The following PNPLA6 variants were observed in gnomAD, a reference collection of about 807,000 sequenced individuals.
PNPLA6 encodes the protein patatin-like phospholipase domain-containing protein 6.
PNPLA6 carries 105 observed loss-of-function variants against 153.7 expected under a neutral mutation model. The observed-to-expected ratio is 0.68, with a 90% CI of 0.58 to 0.80. The LOEUF (loss-of-function observed/expected upper bound fraction) is 0.80. PNPLA6 is among the 30% of genes least tolerant of loss of function. The pLI, the probability that PNPLA6 is intolerant of heterozygous loss-of-function variation, is 0.00. For missense variants in PNPLA6, 1,423 were observed against 1,919.3 expected (o/e 0.74, Z 4.83); for synonymous variants, 825 against 822.2 (o/e 1.00, Z -0.06).
At position 7,542,860 on chromosome 19, in the gene PNPLA6, C is replaced by T; in HGVS notation, c.1462C>T (p.Gln488Ter). 6.2e-7 allele frequency: 1 copy of T among 1,613,032 alleles called. No homozygotes were observed. Among genetic ancestry groups the T allele is most frequent in the Middle Eastern group, 1.6e-4 (1 of 6,062 alleles). ...ATGGCPFGPY[Q>*]GRQTSSIFEA... is the part of the protein sequence containing the mutation. ...TGGTGGCTGCCCTTTCGGGCCCTAC[C>T]AGGGCCGCCAGACCAGCAGCATCTT... Residue 488 changes from glutamine (Q) to a stop codon, truncating the protein, a stop_gained, in exon 12 of 32, where the codon CAG (glutamine) becomes TAG (stop). Transcript: ENST00000600737. LOFTEE classifies it high-confidence loss of function.
At position 7,542,052 on chromosome 19, in the gene PNPLA6, C is replaced by G; in HGVS notation, c.1237C>G (p.Pro413Ala). The change falls in exon 10 of 32, where the codon CCA becomes GCA. Residue 413 changes from proline (P) to alanine (A), a missense_variant. Physicochemically the swap from Pro to Ala is conservative, Grantham distance 27. Around this residue, in one of 10 missense-constraint regions of PNPLA6, gnomAD observed 267 missense variants for 255.1 expected, o/e 1.05. Coordinates refer to ENST00000600737, the MANE Select transcript of PNPLA6 (RefSeq NM_001166114.2). ...TCTGCTGAGCCGCTGCGTCTCCATG[C>G]CAGGGGACATCTCAGGTTTGGAGCA... Reference protein sequence around the residue: ...APLLSRCVSMPGDISGLQGGP... With the variant: ...APLLSRCVSMAGDISGLQGGP... The G allele has an allele frequency of 1.2e-6, 2 of 1,606,594 alleles. No homozygotes were observed. The highest frequency in any genetic ancestry group is 1.3e-5 in the African/African-American group (1 of 75,038).
At position 7,542,085 on chromosome 19, in the gene PNPLA6, T is replaced by C. The variant is rs765741121; in HGVS notation, c.1252+18T>C. The C allele has an allele frequency of 1.3e-6, 2 of 1,596,450 alleles. No homozygotes were observed. The highest frequency in any genetic ancestry group is 8.5e-7 in the Non-Finnish European group (1 of 1,173,812). Reference sequence around the variant, plus strand: ...CATCTCAGGTTTGGAGCACTGGGTCTGCGGGGAGGGCCATGGAGCTTCCAG... The same window carrying C: ...CATCTCAGGTTTGGAGCACTGGGTCCGCGGGGAGGGCCATGGAGCTTCCAG... On this transcript the variant is annotated intron_variant, in intron 10 of 31. Transcript: ENST00000600737.
rs552839552 is a variant in PNPLA6 at position 7,552,296 on chromosome 19, G to T, written c.2260+859G>T. 1.8e-4 allele frequency among the ~76,000 whole-genome samples: 28 copies of T among 152,264 alleles called. No individual in the cohort carries two copies. In the East Asian group the frequency reaches 4.4e-3, roughly 24 times the overall value. The stretch of plus-strand genomic sequence containing the variant: ...AATGGGGCGTGCGGTGGGGTTGGAG[G>T]CCTGCTGAAATGAGGGCCTGAGTTT... On this transcript the variant is annotated intron_variant, in intron 18 of 31. Transcript: ENST00000600737.
At chr19:7,554,297 G>C in intron 20 of PNPLA6, 25 bp downstream of exon 20, 4 of 1,600,798 alleles carry the variant, frequency 2.5e-6, no homozygotes, top group Non-Finnish European at 3.4e-6. Flanking sequence ...AGGGAGTGGG[G>C]AGGGTGGTGG....
At position 7,551,455 on chromosome 19, in the gene PNPLA6, C is replaced by T. The variant is rs1211653962; in HGVS notation, c.2260+18C>T. On this transcript the variant is annotated intron_variant, in intron 18 of 31. Coordinates refer to ENST00000600737, the MANE Select transcript of PNPLA6 (RefSeq NM_001166114.2). ...CTTCCCAGGTGAGAGCCGGCCGGCC[C>T]AGAGCGTGCTGGGAGATGTAGTCCG... 5 of 1,606,418 alleles carry T rather than the reference C, an allele frequency of 3.1e-6. No individual in the cohort carries two copies. The highest frequency in any genetic ancestry group is 4.3e-6 in the Non-Finnish European group (5 of 1,173,446).
Position 7,550,004 on chromosome 19 carries a change from G to A in PNPLA6, c.1706G>A (p.Gly569Glu). 6.2e-7 allele frequency: 1 copy of A among 1,614,076 alleles called. No individual in the cohort carries two copies. Among genetic ancestry groups the A allele is most frequent in the Non-Finnish European group, 8.5e-7 (1 of 1,180,044 alleles). Residue 569 changes from glycine (G) to glutamate (E), a missense_variant, in exon 14 of 32, where the codon GGG (glycine) becomes GAG (glutamate). Coordinates refer to ENST00000600737, the MANE Select transcript of PNPLA6 (RefSeq NM_001166114.2). Reference sequence around the variant, plus strand: ...GTGTGCCTGTTCGTAGCGCAGCCCGGGGAACTGGTGGGGCAGCTGGCGGTG... The same window carrying A: ...GTGTGCCTGTTCGTAGCGCAGCCCGAGGAACTGGTGGGGCAGCTGGCGGTG... The part of the protein sequence containing the change: ...EDVCLFVAQP[G>E]ELVGQLAVLT...
intron 18 of PNPLA6, among the ~76,000 whole-genome samples, chr19:7,553,416 T>C (rs2023740983): frequency 1.3e-5 from 2 of 152,204 alleles, no homozygotes; most frequent in Admixed American, 6.5e-5. Context: ...CATGCCTGGC[T>C]AATTGTTGTG....
intron 13 of PNPLA6, among the ~76,000 whole-genome samples, chr19:7,548,229 A>G (rs985842004): frequency 1.3e-5 from 2 of 151,780 alleles, no homozygotes; most frequent in Non-Finnish European, 2.9e-5. Context: ...CTTTAATCTC[A>G]GCTACTTGGG....
At chr19:7,544,564 C>CA (rs2023302446) in intron 13 of PNPLA6, among the ~76,000 whole-genome samples, 1 of 152,120 alleles carries the variant, frequency 6.6e-6, no homozygotes, top group South Asian at 2.1e-4. Context: ...GACAAGTGGT[C>CA]AGGGAGGGTG....
intron 3 of PNPLA6, among the ~76,000 whole-genome samples, chr19:7,537,682 A>G (rs522750): frequency 0.58 from 88,789 of 151,984 alleles, 26,338 homozygotes; most frequent in African/African-American, 0.69. Flanking sequence ...TTGCTCTGTC[A>G]CTAGGCTAGA....
chr19:7,535,167 C>T (rs1412458689), upstream of PNPLA6: 3 of 448,684 alleles, frequency 6.7e-6, no homozygotes, highest in East Asian at 4.3e-5. This position sits in a 1 kb window ranked among gnomAD's most constrained non-coding sequence, Gnocchi z 5.0. Flanking sequence ...TGCAGAGGAC[C>T]GTGCCCTGTG....
Position 7,555,493 on chromosome 19 carries a change from T to C in PNPLA6, c.2937-114T>C. Reference sequence around the variant, plus strand: ...AGCTTCCCCTCCGGGAGAGACCCCGTGGGTAGGGGCGGGTCCTTTGTTCCT... The same window carrying C: ...AGCTTCCCCTCCGGGAGAGACCCCGCGGGTAGGGGCGGGTCCTTTGTTCCT... On this transcript the variant is annotated intron_variant, in intron 23 of 31. Transcript: ENST00000600737. The surrounding 1 kb of genome is among the most constrained non-coding windows in gnomAD (Gnocchi z 6.3). 1.5e-6 allele frequency: 2 copies of C among 1,370,850 alleles called. No homozygotes were observed. The highest frequency in any genetic ancestry group is 2.6e-5 in the South Asian group (2 of 78,050). 84.9% of individuals were successfully genotyped at this position (1,370,850 alleles called of 1,614,324 possible).
intron 29 of PNPLA6, 62 bp downstream of exon 29, chr19:7,560,826 T>TA: frequency 8.6e-7 from 1 of 1,166,416 alleles, no homozygotes; most frequent in Non-Finnish European, 1.3e-6. Flanking sequence ...CAAGCCCCCT[T>TA]AAAGTCTCCC....
chr19:7,541,198 G>A lies in PNPLA6; in HGVS notation c.924+147G>A. ...GGAGCAGCCAGATGTCTGCAGCCGC[G>A]GACTCCTCCCTTAGCTGCCTCGCCC... On this transcript the variant is annotated intron_variant, in intron 7 of 31. Transcript: ENST00000600737. This position sits in a 1 kb window ranked among gnomAD's most constrained non-coding sequence, Gnocchi z 5.2. The A allele has an allele frequency of 1.8e-6, 2 of 1,126,208 alleles. No individual in the cohort carries two copies. The highest frequency in any genetic ancestry group is 2.6e-5 in the East Asian group (1 of 38,838). The allele number at this position is 1,126,208 out of a possible 1,614,324, so 69.8% of individuals were successfully genotyped here.
Position 7,540,822 on chromosome 19 carries a change from G to A in PNPLA6, c.796-101G>A, listed in dbSNP as rs751346498. On this transcript the variant is annotated intron_variant, in intron 6 of 31. Transcript: ENST00000600737. The surrounding 1 kb of genome is among the most constrained non-coding windows in gnomAD (Gnocchi z 6.8). ...TCTCTGGTTCATCCGTTATGCTGCC[G>A]ATGGCCCCTCACGGGACTGGCGCCA... The A allele has an allele frequency of 1.3e-6, 2 of 1,565,594 alleles. No individual in the cohort carries two copies. The highest frequency in any genetic ancestry group is 1.4e-5 in the African/African-American group (1 of 74,066).
At chr19:7,557,093 C>T in intron 26 of PNPLA6, 75 bp from the exon 27 acceptor site, 1 of 1,120,986 alleles carries the variant, frequency 8.9e-7, no homozygotes, top group Admixed American at 1.7e-5. Context: ...GTCAGCGAGC[C>T]CATCGGGCCG....
intron 3 of PNPLA6, among the ~76,000 whole-genome samples, chr19:7,537,061 G>T (rs1014262243): frequency 6.6e-6 from 1 of 151,940 alleles, no homozygotes; most frequent in Non-Finnish European, 1.5e-5. Flanking sequence ...TCTTCCCTGA[G>T]GGCTACCTCA....
intron 13 of PNPLA6, among the ~76,000 whole-genome samples, chr19:7,546,378 C>T (rs1156938841): frequency 2.0e-5 from 3 of 152,146 alleles, no homozygotes; most frequent in Admixed American, 6.5e-5. Flanking sequence ...CCTGTAATCC[C>T]AGCACTTTGG....
At chr19:7,550,276 C>G (rs1367831073) in intron 14 of PNPLA6, 22 bp from the exon 15 acceptor site, 1 of 1,612,930 alleles carries the variant, frequency 6.2e-7, no homozygotes, top group Non-Finnish European at 8.5e-7. Flanking sequence ...CTTCCTCTTT[C>G]ATCCCAAGTC....
Sources: gnomAD v4.1 joint callset for allele counts (sites outside exome capture counted in the v4.1 genomes callset) on GRCh38, gnomAD v4.1.1 for gene constraint, gnomAD v4.1.1 regional missense constraint, Gnocchi (gnomAD v3.1) non-coding constraint, MANE v1.5 for transcripts, NCBI Gene and HGNC (gene_info 2026-07-23, HGNC 2026-07-21) for gene names.